ALK: variants seen among roughly 807,000 people sequenced by gnomAD.
ALK encodes the protein ALK receptor tyrosine kinase, also known as ALK tyrosine kinase receptor.
A neutral mutation model predicts 163.1 loss-of-function variants in ALK; 74 were observed. The ratio of observed to expected loss-of-function variants is 0.45; its 90% confidence interval spans 0.38 to 0.55. ALK has a LOEUF of 0.55. ALK is among the 20% of genes least tolerant of loss of function. ALK has a pLI of 0.00. For synonymous variants in ALK, 960 were observed against 843.2 expected, an observed-to-expected ratio of 1.14 and a Z score of -2.40; for missense variants, 2,063 against 2,105.3, an observed-to-expected ratio of 0.98 and a Z score of 0.39.
Position 29,192,794 on chromosome 2 carries a change from C to G in ALK, c.*430G>C, listed in dbSNP as rs149003733. The stretch of plus-strand genomic sequence containing the variant: ...CATGCTTAGTCATTACAAATAACTC[C>G]TTTATTTCCGTTCCCTCTCCCCTCA... On this transcript the variant is annotated 3_prime_UTR_variant, in exon 29 of 29. Transcript: ENST00000389048. 3.4e-6 allele frequency: 1 copy of G among 294,536 alleles called. No homozygotes were observed. The highest frequency in any genetic ancestry group is 5.1e-5 in the East Asian group (1 of 19,582). 18.2% of individuals were successfully genotyped at this position (294,536 alleles called of 1,614,324 possible).
At chr2:29,279,664 C>T (rs1665656594) in intron 9 of ALK, among the ~76,000 whole-genome samples, 1 of 152,164 alleles carries the variant, frequency 6.6e-6, no homozygotes, top group Admixed American at 6.5e-5. Flanking sequence ...GTGTCTTTAC[C>T]TGATAGGTGA....
In ALK at chr2:29,831,174, AGGAAGGGGAAGG is replaced by A. The variant is rs375792668; in HGVS notation, c.667+88807_667+88818del. Among the ~76,000 whole-genome samples, 3 of 29,264 alleles carry A rather than the reference AGGAAGGGGAAGG, an allele frequency of 1.0e-4. 1 individual carries two copies. Among genetic ancestry groups the A allele is most frequent in the Non-Finnish European group, 1.8e-4 (3 of 16,558 alleles). The allele number at this position is 29,264 out of a possible 152,430, so 19.2% of individuals were successfully genotyped here. ...GAAGGGGAAGAAGGAGAAGAGGAAG[AGGAAGGGGAAGG>A]GGAAGGGGAAGGGGAAGGGGAAGAG... is the stretch of plus-strand genomic sequence containing the variant. On this transcript the variant is annotated intron_variant, in intron 1 of 28. Transcript: ENST00000389048.
At chr2:29,817,207 T>G (rs1664921822) in intron 1 of ALK, among the ~76,000 whole-genome samples, 1 of 143,452 alleles carries the variant, frequency 7.0e-6, no homozygotes. Context: ...TGTGTCACAC[T>G]AAGCGGTGGG....
chr2:29,231,098 G>A (rs1664190519), intron 15 of ALK, among the ~76,000 whole-genome samples: 1 of 152,182 alleles, frequency 6.6e-6, no homozygotes, highest in African/African-American at 2.4e-5. Flanking sequence ...AGCACTTTGG[G>A]AGGCCGAGGC....
At chr2:29,427,733 A>G (rs1670180954) in intron 4 of ALK, among the ~76,000 whole-genome samples, 1 of 152,124 alleles carries the variant, frequency 6.6e-6, no homozygotes, top group South Asian at 2.1e-4. Flanking sequence ...CAAATGGACT[A>G]AACAATCCAA....
At chr2:29,529,739 G>A (rs1673065615) in intron 4 of ALK, among the ~76,000 whole-genome samples, 1 of 152,220 alleles carries the variant, frequency 6.6e-6, no homozygotes, top group South Asian at 2.1e-4. Flanking sequence ...GGGAGGTGAG[G>A]AGGCTGGTCC....
chr2:29,409,198 C>T (rs1259853018), intron 4 of ALK, among the ~76,000 whole-genome samples: 2 of 152,184 alleles, frequency 1.3e-5, no homozygotes, highest in African/African-American at 2.4e-5. Flanking sequence ...CGTCTTGTTT[C>T]CCACCTGTCC....
At chr2:29,347,744 G>C (rs1008414947) in intron 5 of ALK, among the ~76,000 whole-genome samples, 10 of 152,210 alleles carry the variant, frequency 6.6e-5, no homozygotes, top group Non-Finnish European at 1.2e-4. Flanking sequence ...TAAATAAGCA[G>C]CTGCCGATCT....
intron 3 of ALK, among the ~76,000 whole-genome samples, chr2:29,607,721 C>T (rs967368695): frequency 2.6e-5 from 4 of 152,288 alleles, no homozygotes; most frequent in Non-Finnish European, 4.4e-5. Context: ...AGCCACTGTA[C>T]GGGTTCCTCT....
chr2:29,568,753 C>G (rs891479676), intron 3 of ALK, among the ~76,000 whole-genome samples: 5 of 152,184 alleles, frequency 3.3e-5, no homozygotes, highest in African/African-American at 1.2e-4. Context: ...CTGAGAGAAG[C>G]TCTTCTCCCC....
chr2:29,786,885 T>A (rs1233179415), intron 1 of ALK, among the ~76,000 whole-genome samples: 1 of 152,162 alleles, frequency 6.6e-6, no homozygotes, highest in Non-Finnish European at 1.5e-5. Flanking sequence ...TCTACCTACC[T>A]CCTAGGTTCA....
intron 4 of ALK, among the ~76,000 whole-genome samples, chr2:29,486,394 C>T (rs1386686460): frequency 6.6e-6 from 1 of 152,114 alleles, no homozygotes; most frequent in Non-Finnish European, 1.5e-5. Context: ...GAAATGAGTG[C>T]TTCATAAATG....
intron 1 of ALK, among the ~76,000 whole-genome samples, chr2:29,853,899 CTTTCT>C (rs959980164): frequency 2.6e-5 from 3 of 117,166 alleles, no homozygotes; most frequent in Admixed American, 9.3e-5. Flanking sequence ...AGAAAGTTTT[CTTTCT>C]TTTCTTTTCT....
intron 2 of ALK, among the ~76,000 whole-genome samples, chr2:29,708,216 T>A (rs1678971467): frequency 6.6e-6 from 1 of 152,152 alleles, no homozygotes; most frequent in Non-Finnish European, 1.5e-5. Context: ...TACAGGTGCC[T>A]GCCACCATGC....
intron 1 of ALK, among the ~76,000 whole-genome samples, chr2:29,906,876 A>G (rs1667561121): frequency 6.6e-6 from 1 of 151,814 alleles, no homozygotes; most frequent in African/African-American, 2.4e-5. Context: ...CCAACAGGTA[A>G]CAGGGAAGCC....
Position 29,246,127 on chromosome 2 carries a change from G to A in ALK, c.2204+4978C>T, listed in dbSNP as rs886336953. Among the ~76,000 whole-genome samples, 1 of 152,132 alleles carries A rather than the reference G, an allele frequency of 6.6e-6. No homozygotes were observed. Among genetic ancestry groups the A allele is most frequent in the South Asian group, 2.1e-4 (1 of 4,828 alleles). Reference sequence around the variant, plus strand: ...ATGGTGTTATATACGATCTGTGTGTGTATGGTAGTGGGTGGGGAGGAGATG... The same window carrying A: ...ATGGTGTTATATACGATCTGTGTGTATATGGTAGTGGGTGGGGAGGAGATG... On this transcript the variant is annotated intron_variant, in intron 12 of 28. Transcript: ENST00000389048. The surrounding 1 kb of genome is among the most constrained non-coding windows in gnomAD (Gnocchi z 4.3).
chr2:29,911,589 T>C (rs917778890), intron 1 of ALK, among the ~76,000 whole-genome samples: 1 of 152,224 alleles, frequency 6.6e-6, no homozygotes, highest in African/African-American at 2.4e-5. Context: ...AATATGCTAA[T>C]TCGCTGACGG....
intron 1 of ALK, among the ~76,000 whole-genome samples, chr2:29,787,014 C>T (rs974804963): frequency 6.6e-6 from 1 of 152,158 alleles, no homozygotes; most frequent in Non-Finnish European, 1.5e-5. Context: ...CCAGGATGGT[C>T]TCGATCTCCT....
In ALK at chr2:29,284,880, C is replaced by T. The variant is rs540825947; in HGVS notation, c.1818-9384G>A. On this transcript the variant is annotated intron_variant, in intron 9 of 28. Transcript: ENST00000389048. The stretch of plus-strand genomic sequence containing the variant: ...CCGCATCTCTTCTCCTCTTCTTGAA[C>T]GGCTGAAGCTGCTCACGTACAGCTC... Among the ~76,000 whole-genome samples, 9 of 152,210 alleles carry T rather than the reference C, an allele frequency of 5.9e-5. 1 individual carries two copies. The highest frequency in any genetic ancestry group is 3.8e-4 in the East Asian group (2 of 5,204).
Sources: gnomAD v4.1 joint callset for allele counts (sites outside exome capture counted in the v4.1 genomes callset) on GRCh38, gnomAD v4.1.1 for gene constraint, Gnocchi (gnomAD v3.1) non-coding constraint, MANE v1.5 for transcripts, NCBI Gene and HGNC (gene_info 2026-07-23, HGNC 2026-07-21) for gene names.